The following ADSS1 variants were observed in gnomAD, a reference collection of about 807,000 sequenced individuals.
The protein encoded by ADSS1 is adenylosuccinate synthase 1.
ADSS1 carries 57 observed loss-of-function variants against 59.1 expected under a neutral mutation model. The ratio of observed to expected loss-of-function variants is 0.97; its 90% CI spans 0.78 to 1.20. The LOEUF (loss-of-function observed/expected upper bound fraction) is 1.20. Among genes scored for constraint, ADSS1 ranks in the 50% most tolerant of loss-of-function variants. The pLI is 0.00. For synonymous variants in ADSS1, 247 were observed against 249.4 expected (o/e 0.99, Z 0.09); for missense variants, 603 against 610.3 (o/e 0.99, Z 0.13).
intron 1 of ADSS1, among the ~76,000 whole-genome samples, chr14:104,726,168 G>C (rs1055679811): frequency 3.3e-5 from 5 of 152,216 alleles, no homozygotes; most frequent in African/African-American, 1.2e-4. Flanking sequence ...AAAGAGGTTT[G>C]TCCCTGGAGC....
chr14:104,727,516 A>T (rs2140742298), intron 1 of ADSS1, among the ~76,000 whole-genome samples: 1 of 152,100 alleles, frequency 6.6e-6, no homozygotes, highest in East Asian at 1.9e-4. Flanking sequence ...CTGCGGCCAC[A>T]TCACATCGTC....
Position 104,739,763 on chromosome 14 carries a change from C to T in ADSS1, c.423C>T (p.His141=), listed in dbSNP as rs1359192385. ...CCCGCCCGACAGTGTTTGATTTTCA[C>T]CAGGCTGTCGACGGACTTCAGGAAG... ...SDRAHLVFDF[H]QAVDGLQEVQ... is the part of the protein sequence containing the mutation. Residue 141 remains histidine, a synonymous_variant, in exon 5 of 13, where the codon CAC becomes CAT. Transcript: ENST00000330877. The T allele has an allele frequency of 1.9e-6, 3 of 1,613,834 alleles. No individual in the cohort carries two copies. Among genetic ancestry groups the T allele is most frequent in the African/African-American group, 1.3e-5 (1 of 74,916 alleles).
chr14:104,746,007 T>C (rs1891541170), intron 11 of ADSS1: 1 of 479,434 alleles, frequency 2.1e-6, no homozygotes, highest in Non-Finnish European at 3.7e-6. Context: ...ATATGTGTCA[T>C]GTCCCTCTGG....
intron 2 of ADSS1, 200 bp from the exon 3 acceptor site, chr14:104,738,176 T>G: frequency 6.9e-6 from 3 of 433,648 alleles, no homozygotes; most frequent in Non-Finnish European, 8.5e-6. Flanking sequence ...TTTTGTATTT[T>G]TACTAGAGAT....
intron 1 of ADSS1, among the ~76,000 whole-genome samples, chr14:104,733,243 G>C (rs1010671094): frequency 3.3e-5 from 5 of 152,198 alleles, no homozygotes; most frequent in African/African-American, 1.2e-4. Flanking sequence ...CCACTGTCCT[G>C]AACTGGTTTC....
chr14:104,727,817 C>T (rs559176684), intron 1 of ADSS1, among the ~76,000 whole-genome samples: 2 of 152,336 alleles, frequency 1.3e-5, no homozygotes, highest in African/African-American at 2.4e-5. Flanking sequence ...GGCTCCCTGC[C>T]GAGGACCACA....
chr14:104,725,172 A>G (rs1890683765), intron 1 of ADSS1, among the ~76,000 whole-genome samples: 1 of 152,122 alleles, frequency 6.6e-6, no homozygotes, highest in African/African-American at 2.4e-5. Flanking sequence ...CCCAGGGCCC[A>G]GGGCTGGGCC....
intron 10 of ADSS1, chr14:104,743,587 A>G (rs917615402): frequency 1.0e-5 from 2 of 196,874 alleles, no homozygotes; most frequent in Non-Finnish European, 2.2e-5. Context: ...TGCTTTCCAC[A>G]GACTGACCCA....
Position 104,735,088 on chromosome 14 carries a change from C to A in ADSS1, c.261C>A (p.Ser87Arg), listed in dbSNP as rs143122131. 6.2e-7 allele frequency: 1 copy of A among 1,612,900 alleles called. No homozygotes were observed. The highest frequency in any genetic ancestry group is 1.3e-5 in the African/African-American group (1 of 74,906). ...GKEYDFHLLP[S>R]GIINTKAVSF... ...AGTACGACTTCCACCTGCTGCCCAG[C>A]GGCATCATCAACACCAAGGCCGTGT... The change falls in exon 2 of 13, where the codon AGC becomes AGA. Residue 87 changes from serine (S) to arginine (R), a missense_variant. Physicochemically the swap from Ser to Arg is moderately radical, Grantham distance 110. Transcript: ENST00000330877.
At chr14:104,724,531 C>T (rs1890665069) in intron 1 of ADSS1, 69 bp downstream of exon 1, 1 of 1,228,350 alleles carries the variant, frequency 8.1e-7, no homozygotes, top group African/African-American at 1.6e-5. Context: ...CCAGACGGCC[C>T]CTGTCCTCCC....
At chr14:104,727,966 C>T (rs999130453) in intron 1 of ADSS1, among the ~76,000 whole-genome samples, 1 of 152,256 alleles carries the variant, frequency 6.6e-6, no homozygotes, top group African/African-American at 2.4e-5. Flanking sequence ...CCATAGCGCA[C>T]TCCCAGCCTC....
rs556712240 is a variant in ADSS1 at position 104,746,027 on chromosome 14, C to T, written c.1172-209C>T. The T allele has an allele frequency of 1.0e-3, 554 of 552,784 alleles. 2 individuals are homozygous for T. Among genetic ancestry groups the T allele is most frequent in the South Asian group, 1.0e-3 (41 of 40,026 alleles). The allele number at this position is 552,784 out of a possible 1,614,324, so 34.2% of individuals were successfully genotyped here. On this transcript the variant is annotated intron_variant, in intron 11 of 12. Transcript: ENST00000330877. ...TGTCATGTCCCTCTGGTCTGGAAGGCGTGTAGTGTCTGAGCCCCACTGCTG... is the reference window on the plus strand; with the variant it reads ...TGTCATGTCCCTCTGGTCTGGAAGGTGTGTAGTGTCTGAGCCCCACTGCTG...
At chr14:104,745,158 G>A (rs978834342) in intron 11 of ADSS1, 4 of 466,724 alleles carry the variant, frequency 8.6e-6, no homozygotes, top group Non-Finnish European at 1.6e-5. Flanking sequence ...GAATGGCTCA[G>A]GGGGACAGAC....
At chr14:104,731,172 A>ATCTTCATATCGTCTCTCTCAC (rs1179505609) in intron 1 of ADSS1, among the ~76,000 whole-genome samples, 1 of 152,154 alleles carries the variant, frequency 6.6e-6, no homozygotes, top group Non-Finnish European at 1.5e-5. Flanking sequence ...TGCACCATCC[A>ATCTTCATATCGTCTCTCTCAC]TCTTCATATC....
At chr14:104,738,306 C>T (rs974696504) in intron 2 of ADSS1, 70 bp from the exon 3 acceptor site, 23 of 1,543,142 alleles carry the variant, frequency 1.5e-5, no homozygotes, top group African/African-American at 8.2e-5. Flanking sequence ...CCATTTCATG[C>T]TGTTCTTAAT....
intron 4 of ADSS1, 165 bp downstream of exon 4, chr14:104,739,543 G>A: frequency 4.1e-6 from 4 of 968,248 alleles, no homozygotes; most frequent in Non-Finnish European, 6.1e-6. Context: ...CTTCAAGTTG[G>A]GAGCTGGGTC....
At chr14:104,725,892 G>A (rs1195153793) in intron 1 of ADSS1, among the ~76,000 whole-genome samples, 1 of 152,232 alleles carries the variant, frequency 6.6e-6, no homozygotes, top group Non-Finnish European at 1.5e-5. Flanking sequence ...GGCGGGCTGG[G>A]GCCCCCACAG....
intron 2 of ADSS1, 67 bp downstream of exon 2, chr14:104,735,189 G>C: frequency 7.1e-7 from 1 of 1,409,512 alleles, no homozygotes; most frequent in South Asian, 1.2e-5. Flanking sequence ...GGAGCCCCAC[G>C]CATGGGGGCA....
intron 3 of ADSS1, 89 bp from the exon 4 acceptor site, chr14:104,739,239 C>A: frequency 7.1e-7 from 1 of 1,404,408 alleles, no homozygotes; most frequent in Non-Finnish European, 9.8e-7. Flanking sequence ...TGGATGGGAG[C>A]CGGGCGAGCT....
Sources: allele counts gnomAD v4.1 joint callset (sites outside exome capture counted in the v4.1 genomes callset), GRCh38; gene constraint gnomAD v4.1.1; transcripts MANE v1.5; gene names NCBI Gene and HGNC (gene_info 2026-07-23, HGNC 2026-07-21).